PIEZO2: variants seen among roughly 807,000 people sequenced by gnomAD.
PIEZO2 encodes the protein piezo-type mechanosensitive ion channel component 2.
A neutral mutation model predicts 337.3 loss-of-function variants in PIEZO2; 172 were observed. The ratio of observed to expected loss-of-function variants is 0.51; its 90% CI spans 0.45 to 0.58. The LOEUF (loss-of-function observed/expected upper bound fraction) is 0.58, where lower values mean the gene tolerates loss of function less well. Among genes scored for constraint, PIEZO2 ranks in the 20% least tolerant of loss-of-function variants. The probability of loss-of-function intolerance (pLI) is 0.00; values close to 1 mark genes in which losing one functional copy is unlikely to be tolerated. For synonymous variants in PIEZO2, 1,251 were observed against 1,228.5 expected (o/e 1.02, Z -0.38); for missense variants, 3,028 against 3,391.3 (o/e 0.89, Z 2.66).
At chr18:10,885,191 G>C (rs546164019) in intron 4 of PIEZO2, among the ~76,000 whole-genome samples, 1 of 152,176 alleles carries the variant, frequency 6.6e-6, no homozygotes, top group Non-Finnish European at 1.5e-5. Flanking sequence ...TTGGGAGGCC[G>C]AGGCGGGCGG....
chr18:10,749,547 G>A (rs2143737431), intron 29 of PIEZO2, among the ~76,000 whole-genome samples: 1 of 152,284 alleles, frequency 6.6e-6, no homozygotes, highest in South Asian at 2.1e-4. Context: ...TGGGTGCCAT[G>A]GTAGGCCACG....
chr18:10,835,567 G>A (rs1396463537), intron 7 of PIEZO2, among the ~76,000 whole-genome samples: 9 of 142,262 alleles, frequency 6.3e-5, no homozygotes, highest in South Asian at 2.2e-4. Flanking sequence ...TTTTTGAGAC[G>A]GAGTCTCGCT....
rs1054248130 is a variant in PIEZO2 at position 10,973,301 on chromosome 18, G to A, written c.286+6234C>T. 6.6e-6 allele frequency among the ~76,000 whole-genome samples: 1 copy of A among 152,168 alleles called. No homozygotes were observed. Among genetic ancestry groups the A allele is most frequent in the Non-Finnish European group, 1.5e-5 (1 of 68,026 alleles). On this transcript the variant is annotated intron_variant, in intron 3 of 55. Coordinates refer to ENST00000674853, the MANE Select transcript of PIEZO2 (RefSeq NM_001378183.1). This position sits in a 1 kb window ranked among gnomAD's most constrained non-coding sequence, Gnocchi z 4.9. ...AATGTGTATTCATTACTCCAAGAGC[G>A]TTGACTCCATCAGATATTGGGCTAC...
At chr18:10,796,709 T>A (rs1046063016) in intron 12 of PIEZO2, among the ~76,000 whole-genome samples, 1 of 152,280 alleles carries the variant, frequency 6.6e-6, no homozygotes, top group Non-Finnish European at 1.5e-5. Flanking sequence ...GGGATCCCTA[T>A]ACTTCTGCTA....
At chr18:10,930,725 G>A (rs2032028389) in intron 3 of PIEZO2, among the ~76,000 whole-genome samples, 1 of 152,164 alleles carries the variant, frequency 6.6e-6, no homozygotes, top group Admixed American at 6.5e-5. Flanking sequence ...TCTATCCTTT[G>A]AAGAGAGTAA....
intron 30 of PIEZO2, among the ~76,000 whole-genome samples, 173 bp from the exon 31 acceptor site, chr18:10,744,404 T>C (rs868124023): frequency 6.6e-6 from 1 of 152,080 alleles, no homozygotes; most frequent in African/African-American, 2.4e-5. Flanking sequence ...CCTTTTCCCA[T>C]TGGGTGAACA....
In PIEZO2 at chr18:11,016,894, T is replaced by C. The variant is rs1368788773; in HGVS notation, c.161-37234A>G. On this transcript the variant is annotated intron_variant, in intron 2 of 55. Transcript: ENST00000674853. This position sits in a 1 kb window ranked among gnomAD's most constrained non-coding sequence, Gnocchi z 5.6. ...CTTTCTGCAATTGTTTATTTCATTA[T>C]TTACTTGGTCCTGCTGATGTTTAAA... Among the ~76,000 whole-genome samples the C allele has an allele frequency of 2.0e-5, 3 of 152,230 alleles. No individual in the cohort carries two copies. The highest frequency in any genetic ancestry group is 4.4e-5 in the Non-Finnish European group (3 of 68,044).
chr18:11,112,838 C>T lies in PIEZO2; in HGVS notation c.64+35687G>A, dbSNP rs1025257658. Among the ~76,000 whole-genome samples, 1 of 151,278 alleles carries T rather than the reference C, an allele frequency of 6.6e-6. No individual in the cohort carries two copies. Among genetic ancestry groups the T allele is most frequent in the Non-Finnish European group, 1.5e-5 (1 of 67,378 alleles). On this transcript the variant is annotated intron_variant, in intron 1 of 55. Coordinates refer to ENST00000674853, the MANE Select transcript of PIEZO2 (RefSeq NM_001378183.1). This position sits in a 1 kb window ranked among gnomAD's most constrained non-coding sequence, Gnocchi z 4.3. ...AAGAGGCGCTATGGAGAAGAAGGAG[C>T]AAGCCAGTCTGTGCAGAATTCAAAT...
chr18:10,997,598 AC>A (rs2035372791), intron 2 of PIEZO2, among the ~76,000 whole-genome samples: 1 of 152,220 alleles, frequency 6.6e-6, no homozygotes, highest in African/African-American at 2.4e-5. Context: ...AAAAATATTA[AC>A]AACAGAAAAA....
chr18:10,696,040 G>C (rs1484245937), intron 47 of PIEZO2, 34 bp downstream of exon 47: 1 of 1,566,810 alleles, frequency 6.4e-7, no homozygotes, highest in East Asian at 2.2e-5. Context: ...TTGCATGGAG[G>C]CAGGTTGGTG....
rs575702725 is a variant in PIEZO2 at position 10,959,034 on chromosome 18, T to C, written c.286+20501A>G. ...CTGTGACTGTTACAATGTCTACCTATAACTGTAGTGTAGAGGGAAGACATT... is the reference window on the plus strand; with the variant it reads ...CTGTGACTGTTACAATGTCTACCTACAACTGTAGTGTAGAGGGAAGACATT... On this transcript the variant is annotated intron_variant, in intron 3 of 55. Transcript: ENST00000674853. Among the ~76,000 whole-genome samples the C allele has an allele frequency of 1.1e-4, 16 of 152,302 alleles. 1 individual carries two copies. The East Asian group carries it at 2.9e-3, about 28-fold the overall frequency.
Position 10,969,173 on chromosome 18 carries a change from A to C in PIEZO2, c.286+10362T>G, listed in dbSNP as rs1354079319. ...TTTGGAAACATACAGTTATAGCTTT[A>C]CATTGTTCGTCTATAATTTTGAGGT... On this transcript the variant is annotated intron_variant, in intron 3 of 55. Coordinates refer to ENST00000674853, the MANE Select transcript of PIEZO2 (RefSeq NM_001378183.1). The surrounding 1 kb of genome is among the most constrained non-coding windows in gnomAD (Gnocchi z 4.5). Among the ~76,000 whole-genome samples, 1 of 152,226 alleles carries C rather than the reference A, an allele frequency of 6.6e-6. No individual in the cohort carries two copies.
intron 54 of PIEZO2, among the ~76,000 whole-genome samples, chr18:10,674,477 T>A (rs1362425856): frequency 1.3e-5 from 2 of 152,250 alleles, no homozygotes; most frequent in African/African-American, 4.8e-5. Context: ...CCCAGGGCCC[T>A]CCATTGGGCC....
At position 10,922,741 on chromosome 18, in the gene PIEZO2, G is replaced by C. The variant is rs56241422; in HGVS notation, c.287-11513C>G. Among the ~76,000 whole-genome samples, 350 of 152,254 alleles carry C rather than the reference G, an allele frequency of 2.3e-3. 1 individual carries two copies. Among genetic ancestry groups the C allele is most frequent in the African/African-American group, 7.5e-3 (312 of 41,550 alleles). On this transcript the variant is annotated intron_variant, in intron 3 of 55. Coordinates refer to ENST00000674853, the MANE Select transcript of PIEZO2 (RefSeq NM_001378183.1). ...TTCAGGCAGGACTCATAAGCTGTGA[G>C]TGCATGGAGAGGCAAGCTGGCTGAC...
intron 3 of PIEZO2, among the ~76,000 whole-genome samples, chr18:10,930,600 G>A (rs2032018932): frequency 6.6e-6 from 1 of 152,148 alleles, no homozygotes; most frequent in Non-Finnish European, 1.5e-5. Context: ...ATGATCCTTA[G>A]CCTTGGCAAA....
Position 11,148,732 on chromosome 18 carries a change from G to T in PIEZO2, c.-144C>A. On this transcript the variant is annotated 5_prime_UTR_variant, in exon 1 of 56. Transcript: ENST00000674853. The surrounding 1 kb of genome is among the most constrained non-coding windows in gnomAD (Gnocchi z 5.2). Reference sequence around the variant, plus strand: ...GCATCGCCTCGGCGCGGGCCGCGACGCTCTCCGCCCCGAGGGCACGCTCCC... The same window carrying T: ...GCATCGCCTCGGCGCGGGCCGCGACTCTCTCCGCCCCGAGGGCACGCTCCC... 1.2e-6 allele frequency: 1 copy of T among 825,404 alleles called. No individual in the cohort carries two copies. Among genetic ancestry groups the T allele is most frequent in the South Asian group, 1.7e-5 (1 of 57,694 alleles). 51.1% of individuals were successfully genotyped at this position (825,404 alleles called of 1,614,324 possible).
chr18:11,106,351 G>A (rs2146117850), intron 1 of PIEZO2, among the ~76,000 whole-genome samples: 1 of 150,242 alleles, frequency 6.7e-6, no homozygotes, highest in East Asian at 2.0e-4. Flanking sequence ...GCCTGCCTCG[G>A]CCTCCCAAAG....
rs758158946 is a variant in PIEZO2 at position 10,697,764 on chromosome 18, C to A, written c.6811G>T (p.Ala2271Ser). 1.9e-6 allele frequency: 3 copies of A among 1,614,076 alleles called. No individual in the cohort carries two copies. The highest frequency in any genetic ancestry group is 2.2e-5 in the South Asian group (2 of 91,056). Residue 2271 changes from alanine to serine, a missense_variant, in exon 45 of 56, where the codon GCC becomes TCC. Physicochemically the swap from Ala to Ser is moderately conservative, Grantham distance 99 (BLOSUM62 1). This residue lies in a region of PIEZO2 where 1,925 missense variants were observed against 2,051.9 expected (regional missense o/e 0.94). Coordinates refer to ENST00000674853, the MANE Select transcript of PIEZO2 (RefSeq NM_001378183.1). ...TGGACTCACTTCTTTATGGTAAAGGCTTTTGCTTTGATTAAATGTTCTTGA... is the reference window on the plus strand; with the variant it reads ...TGGACTCACTTCTTTATGGTAAAGGATTTTGCTTTGATTAAATGTTCTTGA... ...KLQEHLIKAK[A>S]FTIKKTLEIY...
rs368710789 is a variant in PIEZO2 at position 10,725,441 on chromosome 18, C to T, written c.5029+5966G>A. On this transcript the variant is annotated intron_variant, in intron 36 of 55. Transcript: ENST00000674853. ...GAGCCCGCCAGTACTGGTTGGAGGG[C>T]ATGCTGTGGCATGAAATAGGTCAGG... The T allele has an allele frequency of 4.4e-6, 7 of 1,591,134 alleles. No homozygotes were observed. In the African/African-American group the frequency reaches 5.4e-5, roughly 12 times the overall value.
Sources: allele counts gnomAD v4.1 joint callset (sites outside exome capture counted in the v4.1 genomes callset), GRCh38; gene constraint gnomAD v4.1.1; regional missense constraint gnomAD v4.1.1; non-coding constraint Gnocchi (gnomAD v3.1); transcripts MANE v1.5; gene names NCBI Gene and HGNC (gene_info 2026-07-23, HGNC 2026-07-21).